IFNLR1: variants seen among roughly 807,000 people sequenced by gnomAD.
The protein encoded by IFNLR1 is CRF2-12.
IFNLR1 carries 28 observed loss-of-function variants against 52.5 expected under a neutral mutation model. The observed-to-expected ratio is 0.53, with a 90% confidence interval of 0.40 to 0.73. The LOEUF (loss-of-function observed/expected upper bound fraction) is 0.73, where lower values mean the gene tolerates loss of function less well. IFNLR1 is among the 30% of genes least tolerant of loss of function. The pLI is 0.00. For synonymous variants in IFNLR1, 276 were observed against 274.9 expected (o/e 1.00, Z -0.04); for missense variants, 623 against 659.1 (o/e 0.95, Z 0.60).
Position 24,179,117 on chromosome 1 carries a change from A to AT in IFNLR1, c.182+1613dup, listed in dbSNP as rs1003979824. On this transcript the variant is annotated intron_variant, in intron 2 of 6. Coordinates refer to ENST00000327535, the MANE Select transcript of IFNLR1 (RefSeq NM_170743.4). The stretch of plus-strand genomic sequence containing the variant: ...CTACTACACTTCACTAATTTTTTGT[A>AT]TTTTTTTTTTTTGTAGAGACAGGGT... 5.6e-3 allele frequency among the ~76,000 whole-genome samples: 814 copies of AT among 144,374 alleles called. 2 individuals carry two copies. Among genetic ancestry groups the AT allele is most frequent in the Non-Finnish European group, 8.4e-3 (548 of 65,466 alleles). The allele number at this position is 144,374 out of a possible 152,430, so 94.7% of individuals were successfully genotyped here.
chr1:24,185,998 C>G (rs1367290896), intron 1 of IFNLR1, among the ~76,000 whole-genome samples: 5 of 152,214 alleles, frequency 3.3e-5, no homozygotes, highest in African/African-American at 7.2e-5. Flanking sequence ...GAACTTAGAT[C>G]TGGCTGTACT....
chr1:24,167,640 C>T (rs1644533308), intron 3 of IFNLR1, among the ~76,000 whole-genome samples: 1 of 152,018 alleles, frequency 6.6e-6, no homozygotes, highest in African/African-American at 2.4e-5. Flanking sequence ...CCGCCTCGGC[C>T]TCCCAAAGTG....
chr1:24,181,748 A>G (rs1644692704), intron 1 of IFNLR1, among the ~76,000 whole-genome samples: 3 of 152,192 alleles, frequency 2.0e-5, no homozygotes. Context: ...TGCTGGGAAC[A>G]CAGTCTGGCT....
Position 24,162,827 on chromosome 1 carries a change from TTTCTTTTCTTTC to T in IFNLR1, c.368-1155_368-1144del, listed in dbSNP as rs1432901171. On this transcript the variant is annotated intron_variant, in intron 3 of 6. Coordinates refer to ENST00000327535, the MANE Select transcript of IFNLR1 (RefSeq NM_170743.4). ...TTTTTCTTTCTTTTTTTCTTCTTTC[TTTCTTTTCTTTC>T]TTTCTTTCTTTCTTTCTTTCTTTCT... Among the ~76,000 whole-genome samples, 113 of 49,224 alleles carry T rather than the reference TTTCTTTTCTTTC, an allele frequency of 2.3e-3. 6 individuals carry two copies. The highest frequency in any genetic ancestry group is 0.016 in the Middle Eastern group (2 of 122). 32.3% of individuals were successfully genotyped at this position (49,224 alleles called of 152,430 possible). A position where few individuals can be genotyped will look rare whatever the true frequency, so the allele number is the denominator to read the frequency against.
At position 24,187,199 on chromosome 1, in the gene IFNLR1, G is replaced by T; in HGVS notation, c.50C>A (p.Ala17Asp). The T allele has an allele frequency of 7.5e-7, 1 of 1,341,688 alleles. No homozygotes were observed. Among genetic ancestry groups the T allele is most frequent in the Non-Finnish European group, 9.6e-7 (1 of 1,046,840 alleles). The allele number at this position is 1,341,688 out of a possible 1,614,324, so 83.1% of individuals were successfully genotyped here. The change falls in exon 1 of 7, where the codon GCC (alanine) becomes GAC (aspartate). Residue 17 changes from alanine (A) to aspartate (D), a missense_variant. By Grantham distance (126) the Ala-to-Asp change is moderately radical. Transcript: ENST00000327535. Reference protein sequence around the residue: ...WGPLLLCLLQAAPGRPRLAPP... With the variant: ...WGPLLLCLLQDAPGRPRLAPP... ...CGGCCCCGCGCCCTTACCTGGAGCG[G>T]CCTGCAGCAGGCACAGGAGCAGGGG...
intron 3 of IFNLR1, among the ~76,000 whole-genome samples, chr1:24,162,525 T>A (rs1286547576): frequency 1.3e-5 from 2 of 152,218 alleles, no homozygotes; most frequent in Non-Finnish European, 2.9e-5. Context: ...TATCACAGGC[T>A]GGGTAATTTA....
At chr1:24,174,420 T>C (rs1448651126) in intron 2 of IFNLR1, among the ~76,000 whole-genome samples, 2 of 152,178 alleles carry the variant, frequency 1.3e-5, no homozygotes, top group African/African-American at 2.4e-5. Flanking sequence ...GGGTAGAATC[T>C]TGAAGTTTGA....
At chr1:24,177,909 T>C (rs927128019) in intron 2 of IFNLR1, among the ~76,000 whole-genome samples, 7 of 152,158 alleles carry the variant, frequency 4.6e-5, no homozygotes, top group Admixed American at 3.9e-4. Context: ...AGATGTACCA[T>C]AGAAGTCAGG....
In IFNLR1 at chr1:24,154,539, T is replaced by C. The variant is rs1644359630; in HGVS notation, c.*2591A>G. 1 of 152,240 alleles carries C rather than the reference T, an allele frequency of 6.6e-6. No individual in the cohort carries two copies. Among genetic ancestry groups the C allele is most frequent in the African/African-American group, 2.4e-5 (1 of 41,474 alleles). 9.4% of individuals were successfully genotyped at this position (152,240 alleles called of 1,614,324 possible). On this transcript the variant is annotated 3_prime_UTR_variant, in exon 7 of 7. Coordinates refer to ENST00000327535, the MANE Select transcript of IFNLR1 (RefSeq NM_170743.4). ...AATGACTTAATGACGATAAAGGAGA[T>C]GGAGTTTAGAGTTACTGGAAAACTT...
chr1:24,159,723 G>GTTTTTTT, intron 4 of IFNLR1, 90 bp from the exon 5 acceptor site: 1 of 951,450 alleles, frequency 1.1e-6, no homozygotes. Context: ...GACATGGTAG[G>GTTTTTTT]GTGTTTTTTT....
At chr1:24,185,576 A>G (rs1644729576) in intron 1 of IFNLR1, among the ~76,000 whole-genome samples, 1 of 152,180 alleles carries the variant, frequency 6.6e-6, no homozygotes, top group African/African-American at 2.4e-5. Context: ...TAGACCCAAA[A>G]GTGGGTGCCT....
intron 2 of IFNLR1, among the ~76,000 whole-genome samples, chr1:24,177,394 C>T (rs749815336): frequency 2.0e-5 from 3 of 152,164 alleles, no homozygotes; most frequent in Non-Finnish European, 4.4e-5. Flanking sequence ...ATCCGAGAGC[C>T]CCCAGCAAAC....
At chr1:24,180,672 T>TACC in intron 2 of IFNLR1, 59 bp downstream of exon 2, 1 of 432,142 alleles carries the variant, frequency 2.3e-6, no homozygotes, top group Non-Finnish European at 4.4e-6. Flanking sequence ...GAGAAGCCCC[T>TACC]CCAGCCCCCA....
intron 1 of IFNLR1, among the ~76,000 whole-genome samples, chr1:24,184,984 A>G: frequency 6.6e-6 from 1 of 152,074 alleles, no homozygotes; most frequent in East Asian, 1.9e-4. Flanking sequence ...GCGCCACTGC[A>G]CTCCAGCCTG....
intron 1 of IFNLR1, among the ~76,000 whole-genome samples, chr1:24,182,459 T>C (rs1644700471): frequency 6.6e-6 from 1 of 152,188 alleles, no homozygotes. Flanking sequence ...CATTTCAGAT[T>C]TGTGAATGCA....
At chr1:24,179,630 C>G (rs1002807715) in intron 2 of IFNLR1, among the ~76,000 whole-genome samples, 2 of 152,314 alleles carry the variant, frequency 1.3e-5, no homozygotes, top group South Asian at 4.1e-4. Context: ...GGCTCCATGA[C>G]GTCCTTCCTC....
At chr1:24,160,358 C>T (rs902406271) in intron 4 of IFNLR1, among the ~76,000 whole-genome samples, 5 of 152,154 alleles carry the variant, frequency 3.3e-5, no homozygotes, top group African/African-American at 4.8e-5. Flanking sequence ...ATTTTAAAGA[C>T]GTAGTGAAAA....
At position 24,159,498 on chromosome 1, in the gene IFNLR1, T is replaced by C; in HGVS notation, c.646A>G (p.Thr216Ala). The change falls in exon 5 of 7, where the codon ACC (threonine) becomes GCC (alanine). Residue 216 changes from threonine to alanine, a missense_variant. By Grantham distance (58) the Thr-to-Ala change is moderately conservative. Transcript: ENST00000327535. The part of the protein sequence containing the change: ...VPKYSKFSKP[T>A]CFLLEVPEAN... ...CCTGGGACCTCCAGCAAGAAGCAGGTGGGCTTAGAGAACTTGCTGTATTTC... is the reference window on the plus strand; with the variant it reads ...CCTGGGACCTCCAGCAAGAAGCAGGCGGGCTTAGAGAACTTGCTGTATTTC... 6.2e-7 allele frequency: 1 copy of C among 1,614,092 alleles called. No homozygotes were observed. The highest frequency in any genetic ancestry group is 1.1e-5 in the South Asian group (1 of 91,074).
chr1:24,169,636 C>T, intron 2 of IFNLR1, 35 bp from the exon 3 acceptor site: 2 of 1,589,304 alleles, frequency 1.3e-6, no homozygotes, highest in Non-Finnish European at 1.7e-6. Context: ...GGGCCATGGA[C>T]TCAGCCTCTC....
Sources: gnomAD v4.1 joint callset for allele counts (sites outside exome capture counted in the v4.1 genomes callset) on GRCh38, gnomAD v4.1.1 for gene constraint, MANE v1.5 for transcripts, NCBI Gene and HGNC (gene_info 2026-07-23, HGNC 2026-07-21) for gene names.